The following MYOM1 variants were observed in gnomAD, a reference collection of about 807,000 sequenced individuals.
The protein encoded by MYOM1 is myomesin 1, also known as myomesin-1.
A neutral mutation model predicts 205.3 loss-of-function variants in MYOM1; 164 were observed. The observed-to-expected ratio is 0.80, with a 90% CI of 0.70 to 0.91. The LOEUF (loss-of-function observed/expected upper bound fraction) is 0.91. Among genes scored for constraint, MYOM1 ranks in the 40% least tolerant of loss-of-function variants. The pLI is 0.00. For synonymous variants in MYOM1, 772 were observed against 789.4 expected (o/e 0.98, Z 0.37); for missense variants, 2,011 against 2,127.3 (o/e 0.95, Z 1.08).
the MYOM1 span, among the ~76,000 whole-genome samples, chr18:3,239,809 A>AG: frequency 1.1e-3 from 170 of 151,886 alleles, no homozygotes; most frequent in African/African-American, 4.0e-3. Context: ...GAGCATGAAA[A>AG]GACTAGAGAA....
At chr18:3,188,082 A>G (rs2080847010) in intron 4 of MYOM1, among the ~76,000 whole-genome samples, 1 of 151,486 alleles carries the variant, frequency 6.6e-6, no homozygotes, top group African/African-American at 2.4e-5. Flanking sequence ...TCCTCAAGTA[A>G]TTCTCCTGCC....
rs947981544 is a variant in MYOM1 at position 3,067,405 on chromosome 18, C to T, written c.4915G>A (p.Ala1639Thr). Residue 1639 changes from alanine (A) to threonine (T), a missense_variant, in exon 38 of 38, where the codon GCT (alanine) becomes ACT (threonine). Coordinates refer to ENST00000356443, the MANE Select transcript of MYOM1 (RefSeq NM_003803.4). ...ACCAGCCCGTATTTGCCCGAGTCAG[C>T]GGTGCTCACGCCGTTGATGGTGAAG... ...AYFTINGVST[A>T]DSGKYGLVVK... 11 of 1,613,336 alleles carry T rather than the reference C, an allele frequency of 6.8e-6. No individual in the cohort carries two copies. Among genetic ancestry groups the T allele is most frequent in the African/African-American group, 1.3e-5 (1 of 74,916 alleles).
rs1472658358 is a variant in MYOM1 at position 3,119,928 on chromosome 18, C to A, written c.3059G>T (p.Gly1020Val). 6.2e-7 allele frequency: 1 copy of A among 1,611,680 alleles called. No homozygotes were observed. The highest frequency in any genetic ancestry group is 1.7e-5 in the Admixed American group (1 of 59,750). Residue 1020 changes from glycine (G) to valine (V), a missense_variant, in exon 20 of 38, where the codon GGC becomes GTC. Transcript: ENST00000356443. ...QVAAMNMAGL[G>V]APSAVSECFK... is the part of the protein sequence containing the mutation. ...GCATTCGCTTACTGCGGAGGGCGCG[C>A]CCAGCCCAGCCATGTTCATGGCTGC...
intron 9 of MYOM1, among the ~76,000 whole-genome samples, chr18:3,166,736 C>T (rs571873950): frequency 9.2e-5 from 14 of 152,140 alleles, no homozygotes; most frequent in South Asian, 4.2e-4. Flanking sequence ...AGGACAATAC[C>T]GCAAGGCATT....
At chr18:3,127,297 ATATATATATTTTTT>A (rs2079802687) in intron 18 of MYOM1, among the ~76,000 whole-genome samples, 1 of 49,728 alleles carries the variant, frequency 2.0e-5, no homozygotes, top group African/African-American at 8.1e-5. Flanking sequence ...ATATATATAT[ATATATATATTTTTT>A]TTTTTTTTTT....
rs191374633 is a variant in MYOM1 at position 3,208,413 on chromosome 18, T to C, written c.290+6521A>G. On this transcript the variant is annotated intron_variant, in intron 2 of 37. Coordinates refer to ENST00000356443, the MANE Select transcript of MYOM1 (RefSeq NM_003803.4). Reference sequence around the variant, plus strand: ...CCTATAGTTCCAGCTACTTGCGGGCTGAGAGGACTGAGCCAAGAGGATCTG... The same window carrying C: ...CCTATAGTTCCAGCTACTTGCGGGCCGAGAGGACTGAGCCAAGAGGATCTG... 3.0e-3 allele frequency among the ~76,000 whole-genome samples: 453 copies of C among 152,284 alleles called. 4 individuals are homozygous for C. Among genetic ancestry groups the C allele is most frequent in the Middle Eastern group, 0.024 (7 of 294 alleles).
chr18:3,148,209 A>C (rs917056196), intron 13 of MYOM1, among the ~76,000 whole-genome samples: 1 of 152,206 alleles, frequency 6.6e-6, no homozygotes, highest in Non-Finnish European at 1.5e-5. Context: ...CACCTACCAC[A>C]GAACACATCC....
the MYOM1 span, among the ~76,000 whole-genome samples, chr18:3,245,789 C>A: frequency 6.6e-6 from 1 of 152,172 alleles, no homozygotes; most frequent in Non-Finnish European, 1.5e-5. Context: ...TCTTTAACAT[C>A]CCCTGGGGGA....
intron 14 of MYOM1, among the ~76,000 whole-genome samples, chr18:3,138,972 T>G (rs969587199): frequency 6.6e-6 from 1 of 152,140 alleles, no homozygotes; most frequent in African/African-American, 2.4e-5. Flanking sequence ...TGCCTCAGTT[T>G]CCTCATCTAC....
At chr18:3,151,391 A>C (rs1295688358) in intron 12 of MYOM1, among the ~76,000 whole-genome samples, 1 of 151,606 alleles carries the variant, frequency 6.6e-6, no homozygotes, top group Non-Finnish European at 1.5e-5. Flanking sequence ...CATTCCACAC[A>C]CAATGCCTGG....
At chr18:3,148,803 A>G (rs983926679) in intron 13 of MYOM1, among the ~76,000 whole-genome samples, 40 of 129,322 alleles carry the variant, frequency 3.1e-4, no homozygotes, top group Admixed American at 5.9e-4. Context: ...CCGAGATCGC[A>G]CCATTGCACT....
Position 3,215,072 on chromosome 18 carries a change from G to T in MYOM1, c.152C>A (p.Ser51Tyr), listed in dbSNP as rs760028057. 2 of 1,613,516 alleles carry T rather than the reference G, an allele frequency of 1.2e-6. No individual in the cohort carries two copies. Among genetic ancestry groups the T allele is most frequent in the Non-Finnish European group, 1.7e-6 (2 of 1,179,840 alleles). ...QGSTAYSSRS[S>Y]AAHRRESEAF... ...CTCGGACTCCCGGCGGTGCGCGGCGGAGGAGCGGCTGCTGTAGGCCGTGGA... is the reference window on the plus strand; with the variant it reads ...CTCGGACTCCCGGCGGTGCGCGGCGTAGGAGCGGCTGCTGTAGGCCGTGGA... Residue 51 changes from serine to tyrosine, a missense_variant, in exon 2 of 38, where the codon TCC becomes TAC. Transcript: ENST00000356443.
chr18:3,122,705 T>A (rs1187250752), intron 19 of MYOM1, among the ~76,000 whole-genome samples: 1 of 152,208 alleles, frequency 6.6e-6, no homozygotes, highest in African/African-American at 2.4e-5. Flanking sequence ...CCAAGTTGAA[T>A]TTATTCCAGG....
At position 3,129,410 on chromosome 18, in the gene MYOM1, A is replaced by C; in HGVS notation, c.2616T>G (p.Asp872Glu). 2 of 1,614,018 alleles carry C rather than the reference A, an allele frequency of 1.2e-6. No individual in the cohort carries two copies. The highest frequency in any genetic ancestry group is 4.5e-5 in the East Asian group (2 of 44,884). ...TGTTAGGTTTGCTGCCAAGCAAAGC[A>C]TCTTTCTGGAAGGTTGGCGGGGAGG... ...HEASPPTFQKDALLGSKPNKP... is the reference protein window; with the variant it reads ...HEASPPTFQKEALLGSKPNKP... Residue 872 changes from aspartate (D) to glutamate (E), a missense_variant, in exon 18 of 38, where the codon GAT becomes GAG. By Grantham distance (45) the Asp-to-Glu change is conservative. Coordinates refer to ENST00000356443, the MANE Select transcript of MYOM1 (RefSeq NM_003803.4).
intron 12 of MYOM1, among the ~76,000 whole-genome samples, chr18:3,150,979 C>CTTTTTTTTTTT (rs1164882266): frequency 1.1e-4 from 6 of 55,902 alleles, no homozygotes; most frequent in African/African-American, 3.6e-4. Flanking sequence ...CCATGCCTGG[C>CTTTTTTTTTTT]TTTTTTTTTT....
At chr18:3,172,430 C>T (rs2080573044) in intron 8 of MYOM1, among the ~76,000 whole-genome samples, 1 of 151,998 alleles carries the variant, frequency 6.6e-6, no homozygotes, top group African/African-American at 2.4e-5. Context: ...GATGGGCAAG[C>T]TACATTCAGA....
At chr18:3,173,596 G>GTT (rs2080591641) in intron 8 of MYOM1, among the ~76,000 whole-genome samples, 1 of 151,688 alleles carries the variant, frequency 6.6e-6, no homozygotes, top group African/African-American at 2.4e-5. Flanking sequence ...GTGTGTGTGT[G>GTT]TGTGTGTGTG....
chr18:3,129,158 G>C (rs1177514685), intron 18 of MYOM1, 74 bp downstream of exon 18: 49 of 1,485,212 alleles, frequency 3.3e-5, no homozygotes, highest in Non-Finnish European at 4.3e-5. Context: ...ATGGATGAAG[G>C]ATGTGATGTA....
At chr18:3,244,403 G>A in the MYOM1 span, among the ~76,000 whole-genome samples, 1 of 152,188 alleles carries the variant, frequency 6.6e-6, no homozygotes, top group Non-Finnish European at 1.5e-5. Flanking sequence ...CAGTGTGACT[G>A]TATCTGGAGA....
Sources: gnomAD v4.1 joint callset for allele counts (sites outside exome capture counted in the v4.1 genomes callset) on GRCh38, gnomAD v4.1.1 for gene constraint, MANE v1.5 for transcripts, NCBI Gene and HGNC (gene_info 2026-07-23, HGNC 2026-07-21) for gene names.